Variants in PPP6R2 observed in about 807,000 individuals in gnomAD.
PPP6R2 encodes serine/threonine-protein phosphatase 6 regulatory subunit 2.
A neutral mutation model predicts 100.2 loss-of-function variants in PPP6R2; 62 were observed. That is an observed-to-expected ratio of 0.62 (90% CI 0.50 to 0.76). The LOEUF is 0.76. Among genes scored for constraint, PPP6R2 ranks in the 30% least tolerant of loss-of-function variants. The pLI, the probability that PPP6R2 is intolerant of heterozygous loss-of-function variation, is 0.00. For missense variants in PPP6R2, 1,142 were observed against 1,276.3 expected (o/e 0.89, Z 1.60); for synonymous variants, 525 against 514.7 (o/e 1.02, Z -0.27).
chr22:50,368,719 G>A (rs2049302773), intron 1 of PPP6R2, among the ~76,000 whole-genome samples: 1 of 151,988 alleles, frequency 6.6e-6, no homozygotes, highest in African/African-American at 2.4e-5. Flanking sequence ...GAGTGCAGTG[G>A]TGTGATCATA....
chr22:50,341,011 A>T (rs985050652), upstream of PPP6R2, among the ~76,000 whole-genome samples: 3 of 152,090 alleles, frequency 2.0e-5, no homozygotes, highest in South Asian at 4.1e-4. Context: ...CCCGGGTTCA[A>T]GTGATTCTCC....
chr22:50,384,419 G>A (rs906859168), intron 2 of PPP6R2, among the ~76,000 whole-genome samples: 2 of 152,014 alleles, frequency 1.3e-5, no homozygotes, highest in Non-Finnish European at 1.5e-5. Flanking sequence ...GCCGGGCGTC[G>A]TGGCGGGTGC....
intron 3 of PPP6R2, among the ~76,000 whole-genome samples, chr22:50,406,223 G>A (rs1039535897): frequency 4.1e-5 from 6 of 146,340 alleles, no homozygotes; most frequent in African/African-American, 1.3e-4. Flanking sequence ...GGAGAGAGGC[G>A]AGAGGCCTGG....
chr22:50,331,544 A>G, the PPP6R2 span, among the ~76,000 whole-genome samples: 1 of 151,840 alleles, frequency 6.6e-6, no homozygotes, highest in African/African-American at 2.4e-5. Flanking sequence ...AATGGTGTTG[A>G]GCATCTTATG....
At position 50,423,667 on chromosome 22, in the gene PPP6R2, C is replaced by T; in HGVS notation, c.1125+53C>T. On this transcript the variant is annotated intron_variant, in intron 10 of 23. Transcript: ENST00000612753. This position sits in a 1 kb window ranked among gnomAD's most constrained non-coding sequence, Gnocchi z 4.8. ...ATGTCTGTGAGTGTGCCGGGCATGGCCTGTGGACTTGTCAGGAGCAGCAGA... is the reference window on the plus strand; with the variant it reads ...ATGTCTGTGAGTGTGCCGGGCATGGTCTGTGGACTTGTCAGGAGCAGCAGA... 6.2e-7 allele frequency: 1 copy of T among 1,601,008 alleles called. No individual in the cohort carries two copies. Among genetic ancestry groups the T allele is most frequent in the East Asian group, 2.2e-5 (1 of 44,480 alleles).
intron 1 of PPP6R2, among the ~76,000 whole-genome samples, chr22:50,360,083 T>G (rs1019774734): frequency 6.6e-6 from 1 of 151,326 alleles, no homozygotes; most frequent in Non-Finnish European, 1.5e-5. Flanking sequence ...GATGGACTCT[T>G]GCTCTGTCAT....
rs759377991 is a variant in PPP6R2, at chr22:50,440,987, C to G, written c.2540C>G (p.Pro847Arg). The change falls in exon 22 of 24, where the codon CCG becomes CGG. Residue 847 changes from proline (P) to arginine (R), a missense_variant. This residue lies in a region of PPP6R2 where 550 missense variants were observed against 517.4 expected (regional missense o/e 1.06). Transcript: ENST00000612753. ...VSRGPGREAP[P>R]LPTVARTEEA... ...AGGGGTCCCGGCCGGGAGGCCCCCC[C>G]GCTGCCCACAGTGGCCAGGACAGAG... The G allele has an allele frequency of 4.3e-6, 7 of 1,609,902 alleles. No individual in the cohort carries two copies. The highest frequency in any genetic ancestry group is 2.2e-5 in the East Asian group (1 of 44,764).
chr22:50,371,600 A>G (rs1330924393), intron 1 of PPP6R2, among the ~76,000 whole-genome samples: 2 of 152,154 alleles, frequency 1.3e-5, no homozygotes, highest in Non-Finnish European at 2.9e-5. Context: ...TTTAAGGGAC[A>G]GATAATAAAT....
intron 4 of PPP6R2, among the ~76,000 whole-genome samples, chr22:50,412,328 A>G (rs1039025614): frequency 1.6e-4 from 24 of 151,114 alleles, no homozygotes; most frequent in African/African-American, 5.3e-4. Context: ...AGTAGCTGGG[A>G]TTACAGCCAC....
chr22:50,414,477 T>A, intron 4 of PPP6R2, 75 bp from the exon 5 acceptor site: 1 of 1,523,882 alleles, frequency 6.6e-7, no homozygotes, highest in East Asian at 2.3e-5. Flanking sequence ...AACTTTCCCA[T>A]GAGAGTTTTT....
Position 50,437,867 on chromosome 22 carries a change from G to A in PPP6R2, c.1806G>A (p.Glu602=). Residue 602 remains glutamate (E), a synonymous_variant, in exon 17 of 24, where the codon GAG becomes GAA. Coordinates refer to ENST00000612753, the MANE Select transcript of PPP6R2 (RefSeq NM_001242898.2). ...NINAPFDRIA[E]INFNIDADED... The stretch of plus-strand genomic sequence containing the variant: ...GTGCCCCGTTTGACAGGATCGCAGA[G>A]ATCAACTTCAACATCGACGCTGACG... 6.4e-7 allele frequency: 1 copy of A among 1,554,248 alleles called. No homozygotes were observed. The highest frequency in any genetic ancestry group is 1.2e-5 in the South Asian group (1 of 84,510).
In PPP6R2 at chr22:50,347,431, T is replaced by A. The variant is rs928478836; in HGVS notation, c.-148+3881T>A. On this transcript the variant is annotated intron_variant, in intron 1 of 23. Transcript: ENST00000612753. ...GCGCTCCCCATCACGGCTTGAGATA[T>A]CACCAGTCATCTAACCTCACCTTAC... 2.6e-5 allele frequency among the ~76,000 whole-genome samples: 4 copies of A among 152,048 alleles called. No homozygotes were observed. The East Asian group carries it at 7.7e-4, about 29-fold the overall frequency.
In PPP6R2 at chr22:50,445,049, C is replaced by G. The variant is rs1181650318; in HGVS notation, c.*802C>G. Reference sequence around the variant, plus strand: ...GTTCTGATCACCTGACAGGGCACCCCAAACCCCCAACTCCCAATAAAAGCC... The same window carrying G: ...GTTCTGATCACCTGACAGGGCACCCGAAACCCCCAACTCCCAATAAAAGCC... On this transcript the variant is annotated 3_prime_UTR_variant, in exon 24 of 24. Transcript: ENST00000612753. The G allele has an allele frequency of 6.5e-6, 1 of 152,700 alleles. No homozygotes were observed. Among genetic ancestry groups the G allele is most frequent in the Non-Finnish European group, 1.5e-5 (1 of 68,142 alleles). 9.5% of individuals were successfully genotyped at this position (152,700 alleles called of 1,614,324 possible).
chr22:50,335,036 GCT>G, the PPP6R2 span, among the ~76,000 whole-genome samples: 1 of 151,962 alleles, frequency 6.6e-6, no homozygotes, highest in Admixed American at 6.6e-5. Flanking sequence ...GGGGAGAATT[GCT>G]ATCTTAACAA....
intron 10 of PPP6R2, among the ~76,000 whole-genome samples, chr22:50,428,724 A>T (rs2148018754): frequency 1.3e-5 from 2 of 149,090 alleles, no homozygotes; most frequent in South Asian, 4.2e-4. Context: ...TGCTCAAAAA[A>T]AAAATACATA....
At position 50,444,204 on chromosome 22, in the gene PPP6R2, C is replaced by T. The variant is rs1355617228; in HGVS notation, c.2837C>T (p.Thr946Ile). 1.2e-6 allele frequency: 2 copies of T among 1,612,954 alleles called. No individual in the cohort carries two copies. Among genetic ancestry groups the T allele is most frequent in the Non-Finnish European group, 8.5e-7 (1 of 1,179,814 alleles). Residue 946 changes from threonine (T) to isoleucine (I), a missense_variant, in exon 24 of 24, where the codon ACA (threonine) becomes ATA (isoleucine). Physicochemically the swap from Thr to Ile is moderately conservative, Grantham distance 89. Transcript: ENST00000612753. ...ACCCCACCCCATTCCTGCAGGAAGA[C>T]AGATGCCCCGCCAGAAGGAGCTGCC... Reference protein sequence around the residue: ...TLGTVTKDGKTDAPPEGAALN... With the variant: ...TLGTVTKDGKIDAPPEGAALN...
intron 2 of PPP6R2, among the ~76,000 whole-genome samples, chr22:50,375,270 T>G (rs1277527082): frequency 6.6e-6 from 1 of 151,998 alleles, no homozygotes. Flanking sequence ...AATTGTTAGA[T>G]GAAAAAACAT....
At chr22:50,398,560 G>A (rs2057499721) in intron 3 of PPP6R2, among the ~76,000 whole-genome samples, 1 of 143,944 alleles carries the variant, frequency 6.9e-6, no homozygotes, top group South Asian at 2.2e-4. Context: ...CTGTCAACCA[G>A]GCTGGAGTGC....
intron 15 of PPP6R2, among the ~76,000 whole-genome samples, 177 bp from the exon 16 acceptor site, chr22:50,437,329 C>T (rs759804959): frequency 2.0e-5 from 3 of 152,214 alleles, no homozygotes; most frequent in Non-Finnish European, 4.4e-5. Flanking sequence ...GCAGCGAGCG[C>T]GCAGCCTGAG....
Sources: allele counts gnomAD v4.1 joint callset (sites outside exome capture counted in the v4.1 genomes callset), GRCh38; gene constraint gnomAD v4.1.1; regional missense constraint gnomAD v4.1.1; non-coding constraint Gnocchi (gnomAD v3.1); transcripts MANE v1.5; gene names NCBI Gene and HGNC (gene_info 2026-07-23, HGNC 2026-07-21).